NAA60: variants seen among roughly 807,000 people sequenced by gnomAD.
NAA60 encodes the protein N-alpha-acetyltransferase 60, NatF catalytic subunit.
Under a neutral mutation model 26.1 loss-of-function variants are expected in NAA60, and 8 were observed. That is an observed-to-expected ratio of 0.31 (90% CI 0.18 to 0.55). NAA60 has a LOEUF of 0.55. Ranked by LOEUF, NAA60 falls within the 20% of genes least tolerant of loss-of-function variation. The pLI is 0.93. For synonymous variants in NAA60, 131 were observed against 122.5 expected (o/e 1.07, Z -0.46); for missense variants, 290 against 311.3 (o/e 0.93, Z 0.51).
Position 3,458,458 on chromosome 16 carries a change from G to T in NAA60, c.-7+9918G>T, listed in dbSNP as rs1339596885. Reference sequence around the variant, plus strand: ...TGGGAGTCGGGCCTTCTGCCTGGGGGTTGCGTCAGTGTCCGACCCCGCGAT... The same window carrying T: ...TGGGAGTCGGGCCTTCTGCCTGGGGTTTGCGTCAGTGTCCGACCCCGCGAT... On this transcript the variant is annotated intron_variant, in intron 2 of 7. Coordinates refer to ENST00000407558, the MANE Select transcript of NAA60 (RefSeq NM_001083601.3). 2.0e-5 allele frequency among the ~76,000 whole-genome samples: 3 copies of T among 152,262 alleles called. No individual in the cohort carries two copies. In the East Asian group the frequency reaches 5.8e-4, roughly 29 times the overall value.
intron 2 of NAA60, among the ~76,000 whole-genome samples, chr16:3,465,534 G>T (rs866484325): frequency 6.6e-6 from 1 of 152,136 alleles, no homozygotes; most frequent in African/African-American, 2.4e-5. Context: ...AGCAGGGAAG[G>T]TGCTGTCCCC....
In NAA60 at chr16:3,484,962, T is replaced by C; in HGVS notation, c.*107T>C. 1.3e-6 allele frequency: 2 copies of C among 1,532,562 alleles called. No homozygotes were observed. The highest frequency in any genetic ancestry group is 1.8e-6 in the Non-Finnish European group (2 of 1,141,410). 94.9% of individuals were successfully genotyped at this position (1,532,562 alleles called of 1,614,324 possible). ...TTTCTGCAAGGAGCTGCCAGCCATCTAACTGGGCTCGTCGGCCTGCCCCAG... is the reference window on the plus strand; with the variant it reads ...TTTCTGCAAGGAGCTGCCAGCCATCCAACTGGGCTCGTCGGCCTGCCCCAG... On this transcript the variant is annotated 3_prime_UTR_variant, in exon 7 of 8. Coordinates refer to ENST00000407558, the MANE Select transcript of NAA60 (RefSeq NM_001083601.3).
chr16:3,469,261 AGAGG>A (rs2035967101), intron 2 of NAA60, among the ~76,000 whole-genome samples: 4 of 123,174 alleles, frequency 3.2e-5, no homozygotes, highest in Admixed American at 8.1e-5. Flanking sequence ...CATCCTGTTT[AGAGG>A]GCTCAGAGCA....
In NAA60 at chr16:3,472,709, A is replaced by T. The variant is rs150825600; in HGVS notation, c.-6-3513A>T. Among the ~76,000 whole-genome samples, 567 of 152,338 alleles carry T rather than the reference A, an allele frequency of 3.7e-3. 5 individuals carry two copies. Among genetic ancestry groups the T allele is most frequent in the African/African-American group, 0.012 (515 of 41,576 alleles). On this transcript the variant is annotated intron_variant, in intron 2 of 7. Transcript: ENST00000407558. Reference sequence around the variant, plus strand: ...TGGCCTCCCAAAGTGCTGGGATTACAGGCATGAGCCACCGCTCCTGGCCCT... The same window carrying T: ...TGGCCTCCCAAAGTGCTGGGATTACTGGCATGAGCCACCGCTCCTGGCCCT...
intron 2 of NAA60, among the ~76,000 whole-genome samples, chr16:3,455,556 G>C (rs977824151): frequency 6.6e-6 from 1 of 151,002 alleles, no homozygotes; most frequent in African/African-American, 2.4e-5. Context: ...CACCACGCCC[G>C]GCTAATTTTT....
intron 1 of NAA60, among the ~76,000 whole-genome samples, 178 bp from the exon 2 acceptor site, chr16:3,448,293 A>C (rs995422342): frequency 5.4e-5 from 7 of 128,608 alleles, no homozygotes; most frequent in Non-Finnish European, 9.1e-5. Flanking sequence ...AAAAAAAAAA[A>C]CATGGGTTGC....
At chr16:3,449,377 G>T (rs530500093) in intron 2 of NAA60, among the ~76,000 whole-genome samples, 2 of 152,052 alleles carry the variant, frequency 1.3e-5, no homozygotes, top group Non-Finnish European at 2.9e-5. Context: ...AATTAGCTGG[G>T]CGTGGTGGTG....
chr16:3,456,775 G>A (rs12448488), intron 2 of NAA60: 34,257 of 151,902 alleles, frequency 0.23, 4,946 homozygotes, highest in African/African-American at 0.41. Context: ...CTAGGGGACA[G>A]TTTGACACGC....
In NAA60 at chr16:3,485,180, C is replaced by T. The variant is rs748591267; in HGVS notation, c.*206+119C>T. The T allele has an allele frequency of 1.3e-4, 93 of 726,142 alleles. 3 individuals are homozygous for T. The South Asian group carries it at 1.3e-3, about 10-fold the overall frequency. The allele number at this position is 726,142 out of a possible 1,614,324, so 45.0% of individuals were successfully genotyped here. A position where few individuals can be genotyped will look rare whatever the true frequency, so the allele number is the denominator to read the frequency against. On this transcript the variant is annotated intron_variant, in intron 7 of 7. Coordinates refer to ENST00000407558, the MANE Select transcript of NAA60 (RefSeq NM_001083601.3). ...AAGGGGCCGTGGGGACTGCAGAGTC[C>T]ACCACCTTATGCACCAGCACAGCCC...
At chr16:3,448,676 C>T (rs111336899) in intron 2 of NAA60, 136 bp downstream of exon 2, 252 of 673,992 alleles carry the variant, frequency 3.7e-4, no homozygotes, top group African/African-American at 3.6e-3. Flanking sequence ...ATAGAAGGCG[C>T]CTAGTGAAAC....
intron 2 of NAA60, among the ~76,000 whole-genome samples, chr16:3,474,235 G>A (rs1018609242): frequency 2.6e-5 from 4 of 152,202 alleles, no homozygotes; most frequent in Non-Finnish European, 4.4e-5. Flanking sequence ...TGCTCAGGAC[G>A]TCAGTGCTGG....
At chr16:3,480,979 C>T (rs2036793308) in intron 4 of NAA60, among the ~76,000 whole-genome samples, 1 of 152,154 alleles carries the variant, frequency 6.6e-6, no homozygotes, top group African/African-American at 2.4e-5. Context: ...GGCATCTACC[C>T]TGTTTTGCCT....
intron 4 of NAA60, among the ~76,000 whole-genome samples, chr16:3,480,991 T>A (rs190603788): frequency 3.1e-3 from 465 of 152,326 alleles, no homozygotes; most frequent in Non-Finnish European, 5.1e-3. Context: ...GTTTTGCCTG[T>A]GGTCATACTC....
intron 2 of NAA60, among the ~76,000 whole-genome samples, chr16:3,473,707 T>TTTG (rs199845048): frequency 0.061 from 8,869 of 145,830 alleles, 324 homozygotes; most frequent in South Asian, 0.11. Flanking sequence ...GCCCCAGCTT[T>TTTG]TTGTTGTTGT....
At chr16:3,482,663 C>A (rs540540335) in intron 5 of NAA60, 65 bp downstream of exon 5, 423 of 1,139,770 alleles carry the variant, frequency 3.7e-4, no homozygotes, top group African/African-American at 3.0e-3. Context: ...CACCCCCATC[C>A]CATCTGCACC....
intron 3 of NAA60, among the ~76,000 whole-genome samples, chr16:3,478,755 C>T (rs2036641061): frequency 6.6e-6 from 1 of 152,140 alleles, no homozygotes; most frequent in Admixed American, 6.5e-5. Context: ...GAACCTGGCT[C>T]TTCCTGGAAT....
chr16:3,443,978 G>T, intron 1 of NAA60, 141 bp downstream of exon 1: 1 of 1,366,352 alleles, frequency 7.3e-7, no homozygotes, highest in Middle Eastern at 2.2e-4. Context: ...CGTGGAACAT[G>T]AAGGAGTATC....
At chr16:3,464,721 TTTG>T (rs1037779392) in intron 2 of NAA60, among the ~76,000 whole-genome samples, 2 of 152,180 alleles carry the variant, frequency 1.3e-5, no homozygotes, top group African/African-American at 4.8e-5. Flanking sequence ...TACAGGTAGT[TTTG>T]TTGTTGTTTT....
At chr16:3,470,081 A>C (rs2036029638) in intron 2 of NAA60, among the ~76,000 whole-genome samples, 1 of 152,138 alleles carries the variant, frequency 6.6e-6, no homozygotes, top group Non-Finnish European at 1.5e-5. Context: ...TAGTGGTTGG[A>C]ACTAACTTTG....
Sources: allele counts gnomAD v4.1 joint callset (sites outside exome capture counted in the v4.1 genomes callset), GRCh38; gene constraint gnomAD v4.1.1; transcripts MANE v1.5; gene names NCBI Gene and HGNC (gene_info 2026-07-23, HGNC 2026-07-21).